Variants in GLIPR1L1 observed in about 807,000 individuals in gnomAD.
GLIPR1L1 encodes GLIPR1 like 1.
GLIPR1L1 carries 26 observed loss-of-function variants against 29.9 expected under a neutral mutation model. The ratio of observed to expected loss-of-function variants is 0.87; its 90% CI spans 0.64 to 1.21. The LOEUF is 1.21. GLIPR1L1 is among the 50% of genes most tolerant of loss of function. GLIPR1L1 has a pLI of 0.00. For synonymous variants in GLIPR1L1, 77 were observed against 97.5 expected (o/e 0.79, Z 1.24); for missense variants, 305 against 290.3 (o/e 1.05, Z -0.37).
intron 1 of GLIPR1L1, among the ~76,000 whole-genome samples, chr12:75,340,030 A>G (rs564254040): frequency 1.3e-5 from 2 of 152,152 alleles, no homozygotes; most frequent in East Asian, 3.9e-4. Context: ...AGTTACTTCA[A>G]TTAGAATAAT....
intron 1 of GLIPR1L1, among the ~76,000 whole-genome samples, chr12:75,343,018 G>A (rs1031491473): frequency 7.9e-5 from 12 of 151,420 alleles, no homozygotes; most frequent in African/African-American, 2.9e-4. Flanking sequence ...TATTTTTATA[G>A]TATTGTTTAT....
intron 1 of GLIPR1L1, among the ~76,000 whole-genome samples, chr12:75,338,829 C>G (rs2041909682): frequency 7.4e-6 from 1 of 135,148 alleles, no homozygotes; most frequent in Admixed American, 7.3e-5. Flanking sequence ...TCAGCTCCCA[C>G]TTATAAGTGA....
At chr12:75,355,166 A>G (rs937657194) in intron 3 of GLIPR1L1, among the ~76,000 whole-genome samples, 1 of 152,234 alleles carries the variant, frequency 6.6e-6, no homozygotes, top group African/African-American at 2.4e-5. Flanking sequence ...ACACAGCAAA[A>G]GAAACTATCA....
intron 1 of GLIPR1L1, among the ~76,000 whole-genome samples, chr12:75,335,722 T>C (rs995019495): frequency 6.6e-6 from 1 of 152,080 alleles, no homozygotes. Context: ...TGGAGAAAGA[T>C]TCAAATATGT....
chr12:75,357,447 A>C (rs2043225434), intron 3 of GLIPR1L1, among the ~76,000 whole-genome samples: 1 of 152,170 alleles, frequency 6.6e-6, no homozygotes, highest in Admixed American at 6.6e-5. Flanking sequence ...ATTTGATAAA[A>C]GGAAAAACAA....
chr12:75,367,864 C>G lies in GLIPR1L1; in HGVS notation c.611-2096C>G, dbSNP rs2044090043. Among the ~76,000 whole-genome samples the G allele has an allele frequency of 2.6e-5, 4 of 152,114 alleles. 1 individual carries two copies. The South Asian group carries it at 8.3e-4, about 32-fold the overall frequency. On this transcript the variant is annotated intron_variant, in intron 4 of 5. Transcript: ENST00000378695. Reference sequence around the variant, plus strand: ...AGCATAAGCTGTAACAATAGACACACCCTTCTATTATTCTTAAATTTAAAG... The same window carrying G: ...AGCATAAGCTGTAACAATAGACACAGCCTTCTATTATTCTTAAATTTAAAG...
Position 75,370,175 on chromosome 12 carries a change from A to C in GLIPR1L1, c.728A>C (p.Ter243SerextTer12). 7.0e-7 allele frequency: 1 copy of C among 1,432,056 alleles called. No homozygotes were observed. The highest frequency in any genetic ancestry group is 9.8e-7 in the Non-Finnish European group (1 of 1,016,778). The allele number at this position is 1,432,056 out of a possible 1,614,324, so 88.7% of individuals were successfully genotyped here. ...GGTTTTCTTCTTCTGAGAATCTTTT[A>C]ATGTCATTTATATACAAAAGAAATT... ...SLGFLLLRIF[*>S] Residue 243 changes from the stop codon to serine (S), a stop_lost, in exon 6 of 6, where the codon TAA becomes TCA. Transcript: ENST00000378695.
At chr12:75,356,668 A>G (rs1663958537) in intron 3 of GLIPR1L1, among the ~76,000 whole-genome samples, 1 of 152,214 alleles carries the variant, frequency 6.6e-6, no homozygotes, top group Non-Finnish European at 1.5e-5. Flanking sequence ...AATAAAATGA[A>G]TAAGATGATA....
chr12:75,363,191 G>C lies in GLIPR1L1; in HGVS notation c.610+1G>C. 1 of 1,388,604 alleles carries C rather than the reference G, an allele frequency of 7.2e-7. No individual in the cohort carries two copies. The highest frequency in any genetic ancestry group is 9.6e-7 in the Non-Finnish European group (1 of 1,036,856). The allele number at this position is 1,388,604 out of a possible 1,614,324, so 86.0% of individuals were successfully genotyped here. A position where few individuals can be genotyped will look rare whatever the true frequency, so the allele number is the denominator to read the frequency against. ...GAGAAATGTGTAAAGAACCTCTGCA[G>C]TAAGCAAAAATATATATATATAATT... On this transcript the variant is annotated splice_donor_variant, in intron 4 of 5. Transcript: ENST00000378695. LOFTEE classifies it high-confidence loss of function.
chr12:75,358,517 T>G (rs1021646960), intron 3 of GLIPR1L1, among the ~76,000 whole-genome samples: 3 of 150,948 alleles, frequency 2.0e-5, no homozygotes, highest in African/African-American at 7.3e-5. Context: ...TGATGAAGGC[T>G]CCTAACAAGC....
At chr12:75,342,127 G>C (rs1260215242) in intron 1 of GLIPR1L1, among the ~76,000 whole-genome samples, 1 of 152,148 alleles carries the variant, frequency 6.6e-6, no homozygotes, top group African/African-American at 2.4e-5. Flanking sequence ...AGATAGTGTG[G>C]GTAGTGAGTG....
At chr12:75,357,943 G>A (rs1243607803) in intron 3 of GLIPR1L1, among the ~76,000 whole-genome samples, 1 of 148,468 alleles carries the variant, frequency 6.7e-6, no homozygotes, top group African/African-American at 2.5e-5. Flanking sequence ...AAGAAACTAG[G>A]GGACAAAAAA....
At chr12:75,341,473 G>C (rs536933722) in intron 1 of GLIPR1L1, among the ~76,000 whole-genome samples, 1 of 152,040 alleles carries the variant, frequency 6.6e-6, no homozygotes, top group African/African-American at 2.4e-5. Context: ...TTGAAACGGA[G>C]TCTCGCTGTG....
intron 1 of GLIPR1L1, among the ~76,000 whole-genome samples, chr12:75,341,990 G>T (rs1241721867): frequency 6.6e-6 from 1 of 152,058 alleles, no homozygotes; most frequent in African/African-American, 2.4e-5. Flanking sequence ...TGATCCACCC[G>T]CCTTGGCCTC....
In GLIPR1L1 at chr12:75,370,080, G is replaced by T. The variant is rs375572537; in HGVS notation, c.638-5G>T. ...CTATTCTGGTTTTGTTTTTGTTTTTGACAGAAAATCCATTTCTGAAGCCAA... is the reference window on the plus strand; with the variant it reads ...CTATTCTGGTTTTGTTTTTGTTTTTTACAGAAAATCCATTTCTGAAGCCAA... On this transcript the variant is annotated splice_polypyrimidine_tract_variant and splice_region_variant and intron_variant, in intron 5 of 5. Coordinates refer to ENST00000378695, the MANE Select transcript of GLIPR1L1 (RefSeq NM_001304964.2). 182 of 1,580,044 alleles carry T rather than the reference G, an allele frequency of 1.2e-4. No homozygotes were observed. Among genetic ancestry groups the T allele is most frequent in the Non-Finnish European group, 1.4e-4 (167 of 1,154,094 alleles).
chr12:75,370,153 TTTC>T lies in GLIPR1L1; in HGVS notation c.714_716del (p.Leu239del). On this transcript the variant is annotated inframe_deletion, in exon 6 of 6. Transcript: ENST00000378695. Reference sequence around the variant, plus strand: ...AGCCTTTAATCCATTCAGCTTAGGTTTTCTTCTTCTGAGAATCTTTTAATGTCA... The same window carrying T: ...AGCCTTTAATCCATTCAGCTTAGGTTTTCTTCTGAGAATCTTTTAATGTCA... 3 of 1,582,652 alleles carry T rather than the reference TTTC, an allele frequency of 1.9e-6. No homozygotes were observed. The highest frequency in any genetic ancestry group is 8.7e-7 in the Non-Finnish European group (1 of 1,153,448).
In GLIPR1L1 at chr12:75,340,938, G is replaced by A. The variant is rs2042060277; in HGVS notation, c.175-2755G>A. The stretch of plus-strand genomic sequence containing the variant: ...AAAATAATGACAATACCAAATACTG[G>A]TGAAGATATGGAGAAAATTGATCAG... On this transcript the variant is annotated intron_variant, in intron 1 of 5. Transcript: ENST00000378695. 3.3e-5 allele frequency among the ~76,000 whole-genome samples: 5 copies of A among 151,946 alleles called. No homozygotes were observed. The South Asian group carries it at 1.0e-3, about 32-fold the overall frequency.
intron 3 of GLIPR1L1, among the ~76,000 whole-genome samples, chr12:75,349,849 G>C (rs1324531264): frequency 6.6e-6 from 1 of 152,182 alleles, no homozygotes; most frequent in African/African-American, 2.4e-5. Context: ...AATTATCCAA[G>C]ATAGAATCCA....
At chr12:75,336,676 G>A (rs1234639190) in intron 1 of GLIPR1L1, among the ~76,000 whole-genome samples, 2 of 151,674 alleles carry the variant, frequency 1.3e-5, no homozygotes, top group African/African-American at 4.8e-5. Context: ...AGTAAAGGGA[G>A]AAAGAGACAA....
Sources: allele counts gnomAD v4.1 joint callset (sites outside exome capture counted in the v4.1 genomes callset), GRCh38; gene constraint gnomAD v4.1.1; transcripts MANE v1.5; gene names NCBI Gene and HGNC (gene_info 2026-07-23, HGNC 2026-07-21).